Variants in MYO16 observed in about 807,000 individuals in gnomAD.
The protein encoded by MYO16 is unconventional myosin-XVI.
MYO16 carries 94 observed loss-of-function variants against 205.3 expected under a neutral mutation model. The observed-to-expected ratio is 0.46, with a 90% CI of 0.39 to 0.54. MYO16 has a LOEUF of 0.54. Ranked by LOEUF, MYO16 falls within the 20% of genes least tolerant of loss-of-function variation. The pLI is 0.00. For missense variants in MYO16, 2,315 were observed against 2,387.5 expected (o/e 0.97, Z 0.63); for synonymous variants, 988 against 954.0 (o/e 1.04, Z -0.66).
At chr13:109,193,809 G>C (rs893432617) in intron 34 of MYO16, among the ~76,000 whole-genome samples, 1 of 152,126 alleles carries the variant, frequency 6.6e-6, no homozygotes, top group Admixed American at 6.5e-5. Flanking sequence ...AAAGCCAACT[G>C]TCAAATCCTA....
rs191121023 is a variant in MYO16, at chr13:108,636,205, T to A, written c.28+6333T>A. On this transcript the variant is annotated intron_variant, in intron 1 of 34. Coordinates refer to ENST00000457511, the MANE Select transcript of MYO16 (RefSeq NM_001198950.3). ...TAAGGTTACACTGTATTCATTATCT[T>A]AGCTTTTGATAACTTTTGAGATATG... is the stretch of plus-strand genomic sequence containing the variant. 3.3e-5 allele frequency among the ~76,000 whole-genome samples: 5 copies of A among 152,312 alleles called. No homozygotes were observed. In the East Asian group the frequency reaches 9.7e-4, roughly 29 times the overall value.
At chr13:108,527,483 G>A in the MYO16 span, among the ~76,000 whole-genome samples, 7 of 152,164 alleles carry the variant, frequency 4.6e-5, no homozygotes, top group Non-Finnish European at 4.4e-5. Context: ...ATTAAGGTTT[G>A]TAACCTCTGG....
chr13:108,665,290 T>C (rs1391378385), intron 1 of MYO16, among the ~76,000 whole-genome samples: 1 of 152,110 alleles, frequency 6.6e-6, no homozygotes, highest in Admixed American at 6.5e-5. Flanking sequence ...TATTTATTTT[T>C]GGAGAGATGG....
intron 4 of MYO16, among the ~76,000 whole-genome samples, chr13:108,747,258 T>A (rs1885094752): frequency 6.6e-6 from 1 of 152,174 alleles, no homozygotes; most frequent in African/African-American, 2.4e-5. Context: ...AAGACAAAAT[T>A]AACTCCACAT....
intron 1 of MYO16, among the ~76,000 whole-genome samples, chr13:108,644,736 A>ATTT (rs1880676785): frequency 3.3e-5 from 5 of 152,336 alleles, no homozygotes; most frequent in Non-Finnish European, 4.4e-5. Context: ...ATATTTAAAT[A>ATTT]ATTAGCTTTC....
At chr13:109,087,672 C>T (rs1215378305) in intron 27 of MYO16, among the ~76,000 whole-genome samples, 3 of 152,086 alleles carry the variant, frequency 2.0e-5, no homozygotes, top group East Asian at 1.9e-4. Context: ...AACTCCACAA[C>T]GCTCTTTAGC....
At chr13:108,501,909 G>A in the MYO16 span, among the ~76,000 whole-genome samples, 12 of 152,280 alleles carry the variant, frequency 7.9e-5, no homozygotes, top group African/African-American at 2.9e-4. Flanking sequence ...GTTGACTTTG[G>A]CAAATAATTG....
At chr13:108,546,717 C>G in the MYO16 span, among the ~76,000 whole-genome samples, 1 of 152,178 alleles carries the variant, frequency 6.6e-6, no homozygotes, top group African/African-American at 2.4e-5. Context: ...CTTCCCATCA[C>G]AGCATGGATG....
intron 27 of MYO16, among the ~76,000 whole-genome samples, chr13:109,060,744 C>T (rs1210219868): frequency 6.6e-6 from 1 of 152,036 alleles, no homozygotes; most frequent in African/African-American, 2.4e-5. Flanking sequence ...CTTGAAGGCC[C>T]TAGGATTTTT....
chr13:108,873,157 C>CAT (rs1879147578), intron 12 of MYO16, among the ~76,000 whole-genome samples: 1 of 152,082 alleles, frequency 6.6e-6, no homozygotes, highest in Non-Finnish European at 1.5e-5. Flanking sequence ...TGTATTATGT[C>CAT]TGTTGTTTTA....
chr13:108,821,526 T>G (rs1162346373), intron 8 of MYO16, among the ~76,000 whole-genome samples: 1 of 152,206 alleles, frequency 6.6e-6, no homozygotes, highest in Non-Finnish European at 1.5e-5. Context: ...AAAACGTGTT[T>G]ACTGTGAGTA....
At chr13:109,154,300 C>A (rs776455452) in intron 32 of MYO16, among the ~76,000 whole-genome samples, 1 of 152,276 alleles carries the variant, frequency 6.6e-6, no homozygotes, top group East Asian at 1.9e-4. Flanking sequence ...AAGGTCCCCA[C>A]GTCCATCCCA....
chr13:108,543,624 A>G, the MYO16 span, among the ~76,000 whole-genome samples: 5 of 146,612 alleles, frequency 3.4e-5, no homozygotes. Context: ...CCTGGGCGAC[A>G]GAGCGAGCCT....
At chr13:109,035,614 G>A (rs1218169645) in intron 23 of MYO16, among the ~76,000 whole-genome samples, 3 of 152,168 alleles carry the variant, frequency 2.0e-5, no homozygotes, top group Non-Finnish European at 4.4e-5. Context: ...AACCTGGGAG[G>A]CAGAGGTTGC....
At chr13:108,954,237 A>G (rs947394937) in intron 16 of MYO16, among the ~76,000 whole-genome samples, 2 of 152,208 alleles carry the variant, frequency 1.3e-5, no homozygotes, top group Non-Finnish European at 2.9e-5. Flanking sequence ...TTACTTATCA[A>G]GAATTGTAAA....
intron 31 of MYO16, among the ~76,000 whole-genome samples, chr13:109,131,136 A>G (rs1344825404): frequency 6.6e-6 from 1 of 152,220 alleles, no homozygotes; most frequent in East Asian, 1.9e-4. Context: ...TCGCAGGATC[A>G]AGGACTACGG....
chr13:109,123,651 G>A (rs1876103786), intron 29 of MYO16, among the ~76,000 whole-genome samples: 1 of 152,038 alleles, frequency 6.6e-6, no homozygotes, highest in Non-Finnish European at 1.5e-5. Flanking sequence ...TTAACTTAAT[G>A]CAACTGCATT....
At chr13:109,040,737 C>CA (rs1439962648) in intron 23 of MYO16, among the ~76,000 whole-genome samples, 1 of 152,070 alleles carries the variant, frequency 6.6e-6, no homozygotes, top group Non-Finnish European at 1.5e-5. Flanking sequence ...AGAGTTTCTA[C>CA]AAAAATCCTA....
intron 1 of MYO16, among the ~76,000 whole-genome samples, chr13:108,613,639 A>T (rs1353697004): frequency 6.6e-6 from 1 of 152,178 alleles, no homozygotes; most frequent in Non-Finnish European, 1.5e-5. Context: ...AGAAACATAT[A>T]GAAAGATTTA....
Sources: allele counts gnomAD v4.1 joint callset (sites outside exome capture counted in the v4.1 genomes callset), GRCh38; gene constraint gnomAD v4.1.1; transcripts MANE v1.5; gene names NCBI Gene and HGNC (gene_info 2026-07-23, HGNC 2026-07-21).